The following MTERF4 variants were observed in gnomAD, a reference collection of about 807,000 sequenced individuals.
MTERF4 encodes mitochondrial transcription termination factor 4.
In MTERF4, 17 loss-of-function variants were observed where a neutral mutation model predicts 22.5. The observed-to-expected ratio is 0.75, with a 90% confidence interval of 0.52 to 1.13. MTERF4 has a LOEUF of 1.13. MTERF4 is among the 50% of genes most tolerant of loss of function. The pLI is 0.00. For missense variants in MTERF4, 420 were observed against 466.8 expected (o/e 0.90, Z 0.92); for synonymous variants, 165 against 175.3 (o/e 0.94, Z 0.47).
the MTERF4 span, among the ~76,000 whole-genome samples, chr2:241,054,455 G>C: frequency 1.3e-5 from 2 of 152,196 alleles, no homozygotes; most frequent in Non-Finnish European, 2.9e-5. Context: ...TGTAGTCCCA[G>C]CTACTTGGGA....
the MTERF4 span, among the ~76,000 whole-genome samples, chr2:241,066,528 T>C: frequency 6.6e-6 from 1 of 152,066 alleles, no homozygotes; most frequent in Non-Finnish European, 1.5e-5. Flanking sequence ...AACATGCCTG[T>C]GGCCTCCAGA....
downstream of MTERF4, chr2:241,082,468 G>A: frequency 2.5e-6 from 2 of 792,848 alleles, no homozygotes; most frequent in Non-Finnish European, 4.2e-6. Context: ...AGGGACGATG[G>A]CTGCAGTCAC....
chr2:241,088,227 G>A, downstream of MTERF4: 1 of 703,006 alleles, frequency 1.4e-6, no homozygotes, highest in Admixed American at 2.1e-5. Context: ...AGCGGTGTCT[G>A]GACTAATGGT....
At chr2:241,076,275 G>A (rs1446741396) in intron 4 of MTERF4, among the ~76,000 whole-genome samples, 1 of 152,002 alleles carries the variant, frequency 6.6e-6, no homozygotes, top group Non-Finnish European at 1.5e-5. Context: ...CATGGACATG[G>A]GATGTCTCTC....
chr2:241,101,656 G>T (rs1440649146), intron 1 of MTERF4, among the ~76,000 whole-genome samples: 2 of 152,266 alleles, frequency 1.3e-5, no homozygotes, highest in Admixed American at 6.5e-5. Flanking sequence ...AGCGGGCGCG[G>T]CCCGTGGAAC....
downstream of MTERF4, chr2:241,082,298 C>T: frequency 1.2e-6 from 2 of 1,613,306 alleles, no homozygotes; most frequent in Non-Finnish European, 1.7e-6. Context: ...GTGTCCCGCC[C>T]CTGCACAAGG....
downstream of MTERF4, among the ~76,000 whole-genome samples, chr2:241,084,235 C>T (rs887382872): frequency 2.7e-5 from 4 of 149,830 alleles, no homozygotes; most frequent in Non-Finnish European, 4.4e-5. Context: ...CTCCTGGGTT[C>T]AAGCAATTCT....
the MTERF4 span, chr2:241,051,959 C>T: frequency 6.7e-7 from 1 of 1,490,194 alleles, no homozygotes; most frequent in Admixed American, 1.9e-5. The surrounding 1 kb of genome is among the most constrained non-coding windows in gnomAD (Gnocchi z 4.7). Context: ...GTCTGCTTCT[C>T]ATGAAGAGGC....
At chr2:241,054,602 T>C in the MTERF4 span, among the ~76,000 whole-genome samples, 3 of 152,084 alleles carry the variant, frequency 2.0e-5, no homozygotes, top group Non-Finnish European at 2.9e-5. Context: ...CGGTATAAAA[T>C]AACCGTGACA....
intron 4 of MTERF4, among the ~76,000 whole-genome samples, chr2:241,077,852 T>C (rs1466416467): frequency 3.3e-5 from 5 of 152,070 alleles, no homozygotes; most frequent in African/African-American, 1.2e-4. Flanking sequence ...CGTGGAGAGA[T>C]CAGAACCCTC....
chr2:241,053,246 G>A, the MTERF4 span: 8 of 1,608,004 alleles, frequency 5.0e-6, no homozygotes, highest in South Asian at 3.3e-5. Context: ...GCATGTGACC[G>A]TGGCTACAGC....
At chr2:241,043,467 A>C in the MTERF4 span, among the ~76,000 whole-genome samples, 1 of 152,226 alleles carries the variant, frequency 6.6e-6, no homozygotes, top group Admixed American at 6.5e-5. Flanking sequence ...ACAAAAATGA[A>C]GAGCATTCAT....
chr2:241,067,702 C>A, downstream of MTERF4: 1 of 1,437,678 alleles, frequency 7.0e-7, no homozygotes, highest in Non-Finnish European at 9.6e-7. Context: ...TCATCTTGAG[C>A]CCCTGCACTC....
Position 241,075,147 on chromosome 2 carries a change from C to T in MTERF4, n.1015G>A, listed in dbSNP as rs1041203300. ...ACTGAGTGAACTGACCGGCTCTTCT[C>T]CCCTCTCTGTGCAGAGAACATGTAG... On this transcript the variant is annotated non_coding_transcript_exon_variant, in exon 5 of 5. Transcript: ENST00000464344. This position sits in a 1 kb window ranked among gnomAD's most constrained non-coding sequence, Gnocchi z 4.8. The T allele has an allele frequency of 1.3e-5, 2 of 152,154 alleles. No homozygotes were observed. The highest frequency in any genetic ancestry group is 4.2e-4 in the South Asian group (2 of 4,816). The allele number at this position is 152,154 out of a possible 1,614,324, so 9.4% of individuals were successfully genotyped here.
exon 5 of MTERF4, chr2:241,072,183 G>C: frequency 1.6e-6 from 1 of 620,662 alleles, no homozygotes. Flanking sequence ...CATTACAGCA[G>C]CTTTATTTGC....
downstream of MTERF4, among the ~76,000 whole-genome samples, chr2:241,083,664 T>C (rs2063439326): frequency 1.3e-5 from 2 of 152,182 alleles, no homozygotes; most frequent in Non-Finnish European, 2.9e-5. Flanking sequence ...TGTGCTTAGT[T>C]ACACCAGTGC....
In MTERF4 at chr2:241,081,731, C is replaced by T. The variant is rs771290153; in HGVS notation, n.480-6049G>A. ...TGTCAGAACGGAGGCACTTGTGTGC[C>T]GGGCGCAGACGCCCACAGCTGTGAC... is the stretch of plus-strand genomic sequence containing the variant. On this transcript the variant is annotated intron_variant and non_coding_transcript_variant, in intron 4 of 4. Transcript: ENST00000464344. 41 of 1,609,234 alleles carry T rather than the reference C, an allele frequency of 2.5e-5. No homozygotes were observed. The Admixed American group carries it at 5.6e-4, about 22-fold the overall frequency.
chr2:241,061,984 T>A, the MTERF4 span, among the ~76,000 whole-genome samples: 1 of 152,194 alleles, frequency 6.6e-6, no homozygotes, highest in Non-Finnish European at 1.5e-5. Flanking sequence ...AGTGAAAATC[T>A]ATGAACCACA....
the MTERF4 span, among the ~76,000 whole-genome samples, chr2:241,056,756 T>A: frequency 3.3e-5 from 5 of 151,658 alleles, no homozygotes; most frequent in East Asian, 3.9e-4. Flanking sequence ...AATTTTTTTT[T>A]ATATTTAGTA....
Sources: allele counts gnomAD v4.1 joint callset (sites outside exome capture counted in the v4.1 genomes callset), GRCh38; gene constraint gnomAD v4.1.1; non-coding constraint Gnocchi (gnomAD v3.1); transcripts MANE v1.5; gene names NCBI Gene and HGNC (gene_info 2026-07-23, HGNC 2026-07-21).